Variants in ADGRD1 observed in about 807,000 individuals in gnomAD.
ADGRD1 encodes G-protein coupled receptor 133.
Under a neutral mutation model 113.4 loss-of-function variants are expected in ADGRD1, and 77 were observed. The ratio of observed to expected loss-of-function variants is 0.68; its 90% CI spans 0.57 to 0.82. The LOEUF (loss-of-function observed/expected upper bound fraction) is 0.82, where lower values mean the gene tolerates loss of function less well. Among genes scored for constraint, ADGRD1 ranks in the 40% least tolerant of loss-of-function variants. The pLI is 0.00. For synonymous variants in ADGRD1, 474 were observed against 475.0 expected (o/e 1.00, Z 0.03); for missense variants, 1,036 against 1,139.1 (o/e 0.91, Z 1.30).
At chr12:131,121,612 T>G (rs1950596252) in intron 20 of ADGRD1, among the ~76,000 whole-genome samples, 1 of 152,190 alleles carries the variant, frequency 6.6e-6, no homozygotes, top group Admixed American at 6.5e-5. Context: ...ACTCCTGACC[T>G]CAGGTGATCT....
At chr12:131,039,913 G>A (rs1047798944) in intron 13 of ADGRD1, among the ~76,000 whole-genome samples, 1 of 152,260 alleles carries the variant, frequency 6.6e-6, no homozygotes, top group African/African-American at 2.4e-5. Context: ...CCGGCCAGCT[G>A]TGCTGGTGGC....
At chr12:131,101,115 A>G (rs1229591600) in intron 15 of ADGRD1, among the ~76,000 whole-genome samples, 2 of 152,096 alleles carry the variant, frequency 1.3e-5, no homozygotes, top group African/African-American at 4.8e-5. Context: ...TGCCCCATGA[A>G]ATGCAGCTAT....
At chr12:130,990,738 A>G in intron 6 of ADGRD1, 1 of 326,392 alleles carries the variant, frequency 3.1e-6, no homozygotes, top group Non-Finnish European at 5.6e-6. Context: ...ATCCTTGTAT[A>G]AAATCATCTT....
At chr12:131,131,695 C>T (rs1593270368) in intron 20 of ADGRD1, 30 bp from the exon 21 acceptor site, 1 of 1,455,428 alleles carries the variant, frequency 6.9e-7, no homozygotes, top group Non-Finnish European at 9.6e-7. Flanking sequence ...CCCAGGCCCC[C>T]CTCACCTTCC....
At chr12:131,002,851 C>T (rs1876566059) in intron 9 of ADGRD1, 1 of 1,244,762 alleles carries the variant, frequency 8.0e-7, no homozygotes, top group Non-Finnish European at 1.0e-6. Context: ...GGGGGAGGGT[C>T]TGGGATGTGC....
At chr12:130,976,767 A>ATT (rs1872361363) in intron 4 of ADGRD1, 1 of 151,934 alleles carries the variant, frequency 6.6e-6, no homozygotes, top group African/African-American at 2.4e-5. Flanking sequence ...CACACCTGTA[A>ATT]TCCCAACACT....
intron 3 of ADGRD1, chr12:130,968,043 A>G (rs1259682795): frequency 6.6e-6 from 1 of 152,214 alleles, no homozygotes; most frequent in Non-Finnish European, 1.5e-5. Flanking sequence ...GCCTTCTTGA[A>G]ACAGCTCACT....
intron 15 of ADGRD1, among the ~76,000 whole-genome samples, chr12:131,098,168 CCG>C (rs1566107464): frequency 1.0e-4 from 15 of 146,580 alleles, no homozygotes; most frequent in Non-Finnish European, 1.8e-4. Flanking sequence ...CTTCCTTCTC[CCG>C]CAGTGGCTGC....
rs375932594 is a variant in ADGRD1, at chr12:131,121,014, C to T, written c.2175+101C>T. The T allele has an allele frequency of 1.2e-3, 1,252 of 1,054,100 alleles. 9 individuals carry two copies. Among genetic ancestry groups the T allele is most frequent in the South Asian group, 0.01 (683 of 68,012 alleles). The allele number at this position is 1,054,100 out of a possible 1,614,324, so 65.3% of individuals were successfully genotyped here. On this transcript the variant is annotated intron_variant, in intron 20 of 24. Transcript: ENST00000261654. ...GGCGGGGGGCTCCCTGAGGAGCTTC[C>T]GAAGGATGCAGCGTCGTTCCTCGGT... is the stretch of plus-strand genomic sequence containing the variant.
intron 13 of ADGRD1, among the ~76,000 whole-genome samples, chr12:131,046,423 CCTCCCTGGTCAGTGTCCTCT>C (rs1478398912): frequency 1.9e-4 from 22 of 113,106 alleles, no homozygotes; most frequent in African/African-American, 6.3e-4. Flanking sequence ...GTCAGCGCTC[CCTCCCTGGTCAGTGTCCTCT>C]CTCCCTGGTC....
chr12:131,090,746 A>G (rs1195750), intron 15 of ADGRD1, among the ~76,000 whole-genome samples: 141,562 of 152,294 alleles, frequency 0.93, 66,697 homozygotes, highest in East Asian at 1. Context: ...GGCTTCCAGC[A>G]TCTGGCGACT....
intron 17 of ADGRD1, among the ~76,000 whole-genome samples, chr12:131,107,162 G>C (rs1483298402): frequency 6.6e-6 from 1 of 151,768 alleles, no homozygotes; most frequent in Non-Finnish European, 1.5e-5. Context: ...GCTCTGATGG[G>C]TCCCGCTTTC....
At position 130,987,205 on chromosome 12, in the gene ADGRD1, T is replaced by C; in HGVS notation, c.601T>C (p.Tyr201His). 1.9e-6 allele frequency: 3 copies of C among 1,614,202 alleles called. No individual in the cohort carries two copies. The highest frequency in any genetic ancestry group is 2.5e-6 in the Non-Finnish European group (3 of 1,180,024). The change falls in exon 6 of 25, where the codon TAT (tyrosine) becomes CAT (histidine). Residue 201 changes from tyrosine (Y) to histidine (H), a missense_variant. Transcript: ENST00000261654. ...SDPSGKVSRD[Y>H]GESNVNLVIG... The stretch of plus-strand genomic sequence containing the variant: ...TCCGAGTGGAAAAGTGTCTCGTGAC[T>C]ATGGAGAGTCCAACGTCAACCTCGT...
intron 13 of ADGRD1, among the ~76,000 whole-genome samples, chr12:131,053,281 T>C (rs1261481682): frequency 6.6e-6 from 1 of 152,274 alleles, no homozygotes; most frequent in African/African-American, 2.4e-5. Flanking sequence ...GCCCCGTTCC[T>C]GTGCTGTGAA....
Position 131,057,373 on chromosome 12 carries a change from C to T in ADGRD1, c.1474-19428C>T, listed in dbSNP as rs1044270194. On this transcript the variant is annotated intron_variant, in intron 13 of 24. Transcript: ENST00000261654. This position sits in a 1 kb window ranked among gnomAD's most constrained non-coding sequence, Gnocchi z 4.2. ...AAAAGGGGCCAGATGGCAGCGGAGCCGAGTCTGCGCTGCTGTGGCCGTTTC... is the reference window on the plus strand; with the variant it reads ...AAAAGGGGCCAGATGGCAGCGGAGCTGAGTCTGCGCTGCTGTGGCCGTTTC... 1.9e-4 allele frequency among the ~76,000 whole-genome samples: 29 copies of T among 152,268 alleles called. No homozygotes were observed. The highest frequency in any genetic ancestry group is 6.5e-4 in the African/African-American group (27 of 41,560).
intron 13 of ADGRD1, among the ~76,000 whole-genome samples, chr12:131,062,285 G>A (rs1010632381): frequency 3.9e-5 from 6 of 152,148 alleles, no homozygotes; most frequent in African/African-American, 1.4e-4. Flanking sequence ...GAGCCACCGC[G>A]CCTGACCAAA....
In ADGRD1 at chr12:131,084,439, T is replaced by G; in HGVS notation, c.1548-101T>G. 55 of 1,312,230 alleles carry G rather than the reference T, an allele frequency of 4.2e-5. No individual in the cohort carries two copies. The highest frequency in any genetic ancestry group is 5.5e-5 in the Non-Finnish European group (51 of 922,890). The allele number at this position is 1,312,230 out of a possible 1,614,324, so 81.3% of individuals were successfully genotyped here. ...GGCGTGGCAGGTGTGGGCGCCGCCA[T>G]GAGTTCACGGGGCCATGTGTTATGG... On this transcript the variant is annotated intron_variant, in intron 14 of 24. Transcript: ENST00000261654. The surrounding 1 kb of genome is among the most constrained non-coding windows in gnomAD (Gnocchi z 4.5).
In ADGRD1 at chr12:131,039,146, C is replaced by T. The variant is rs185879853; in HGVS notation, c.1473+24806C>T. Among the ~76,000 whole-genome samples, 323 of 152,176 alleles carry T rather than the reference C, an allele frequency of 2.1e-3. 2 individuals are homozygous for T. The highest frequency in any genetic ancestry group is 7.4e-3 in the African/African-American group (307 of 41,518). On this transcript the variant is annotated intron_variant, in intron 13 of 24. Coordinates refer to ENST00000261654, the MANE Select transcript of ADGRD1 (RefSeq NM_198827.5). ...GCCTGTGCTCCTCCAGGCCACTGCC[C>T]GCTGAGCCGGGACGGTGCGGAGAGT...
At chr12:131,066,278 G>A (rs530879558) in intron 13 of ADGRD1, among the ~76,000 whole-genome samples, 40 of 152,208 alleles carry the variant, frequency 2.6e-4, no homozygotes, top group Non-Finnish European at 4.9e-4. Flanking sequence ...GTGATCTCAC[G>A]TCTGCAAGCA....
Sources: allele counts gnomAD v4.1 joint callset (sites outside exome capture counted in the v4.1 genomes callset), GRCh38; gene constraint gnomAD v4.1.1; non-coding constraint Gnocchi (gnomAD v3.1); transcripts MANE v1.5; gene names NCBI Gene and HGNC (gene_info 2026-07-23, HGNC 2026-07-21).